Variants in NXPE2 observed in about 807,000 individuals in gnomAD.
NXPE2 encodes NXPE family member 2.
Under a neutral mutation model 34.4 loss-of-function variants are expected in NXPE2, and 34 were observed. That is an observed-to-expected ratio of 0.99 (90% confidence interval 0.75 to 1.31). The LOEUF is 1.31. Among genes scored for constraint, NXPE2 ranks in the 40% most tolerant of loss-of-function variants. NXPE2 has a pLI of 0.00. For missense variants in NXPE2, 649 were observed against 672.5 expected (o/e 0.97, Z 0.39); for synonymous variants, 235 against 231.3 (o/e 1.02, Z -0.15).
At chr11:114,636,119 T>TG in the NXPE2 span, among the ~76,000 whole-genome samples, 18 of 151,896 alleles carry the variant, frequency 1.2e-4, no homozygotes, top group Admixed American at 1.1e-3. Flanking sequence ...GGTAAGCTAT[T>TG]GATTATTGCC....
chr11:114,552,774 G>A, the NXPE2 span: 9 of 526,482 alleles, frequency 1.7e-5, no homozygotes, highest in Non-Finnish European at 2.2e-5. Context: ...GATTGCTATT[G>A]CACTTTTATA....
At chr11:114,772,042 G>T in the NXPE2 span, among the ~76,000 whole-genome samples, 3 of 152,204 alleles carry the variant, frequency 2.0e-5, no homozygotes, top group Admixed American at 1.3e-4. Flanking sequence ...TATCTTCGAA[G>T]ACAGTGTTGA....
chr11:114,794,198 C>T, the NXPE2 span, among the ~76,000 whole-genome samples: 1 of 152,154 alleles, frequency 6.6e-6, no homozygotes, highest in African/African-American at 2.4e-5. Context: ...GCCTCATTTC[C>T]AGCCACTTCT....
intron 2 of NXPE2, among the ~76,000 whole-genome samples, chr11:114,695,447 G>A (rs1951231991): frequency 6.6e-6 from 1 of 152,030 alleles, no homozygotes; most frequent in Admixed American, 6.5e-5. Flanking sequence ...GATGGAGGCT[G>A]GGTTTGGGTA....
the NXPE2 span, among the ~76,000 whole-genome samples, chr11:114,468,393 G>C: frequency 6.6e-6 from 1 of 152,190 alleles, no homozygotes; most frequent in African/African-American, 2.4e-5. Context: ...TGGGGCTTCT[G>C]ACATACCACT....
chr11:114,711,695 G>C (rs1321238665), downstream of NXPE2, among the ~76,000 whole-genome samples: 1 of 152,072 alleles, frequency 6.6e-6, no homozygotes, highest in African/African-American at 2.4e-5. Flanking sequence ...GCAATCTACA[G>C]CTCCAGTGCA....
chr11:114,580,389 C>T, the NXPE2 span: 4 of 1,523,286 alleles, frequency 2.6e-6, no homozygotes, highest in South Asian at 3.4e-5. Flanking sequence ...AATTACCCGT[C>T]AGTATGTATT....
At chr11:114,610,144 T>C in the NXPE2 span, among the ~76,000 whole-genome samples, 1 of 151,786 alleles carries the variant, frequency 6.6e-6, no homozygotes, top group African/African-American at 2.4e-5. Flanking sequence ...TAATAAGTAT[T>C]GCCTTGCAGC....
the NXPE2 span, among the ~76,000 whole-genome samples, chr11:114,748,888 T>C: frequency 6.6e-6 from 1 of 152,274 alleles, no homozygotes; most frequent in Non-Finnish European, 1.5e-5. Flanking sequence ...ACATATGGTT[T>C]CCATTTTATT....
At chr11:114,739,256 AT>A in the NXPE2 span, among the ~76,000 whole-genome samples, 1 of 151,590 alleles carries the variant, frequency 6.6e-6, no homozygotes, top group East Asian at 1.9e-4. Context: ...TTTATTAATT[AT>A]TTTTACTACT....
Position 114,706,624 on chromosome 11 carries a change from C to A in NXPE2, c.1374C>A (p.Pro458=). 1 of 1,551,886 alleles carries A rather than the reference C, an allele frequency of 6.4e-7. No individual in the cohort carries two copies. The highest frequency in any genetic ancestry group is 8.7e-7 in the Non-Finnish European group (1 of 1,146,998). Residue 458 remains proline, a synonymous_variant, in exon 6 of 6, where the codon CCC becomes CCA. Transcript: ENST00000389586. ...TCGGCCAACACTTCAGACCCTTTCC[C>A]ATCAACATTTTCATCCGTAGGGCCA... The part of the protein sequence containing the change: ...ITLGQHFRPF[P]INIFIRRAIN...
chr11:114,522,341 T>A, the NXPE2 span: 2 of 1,614,016 alleles, frequency 1.2e-6, no homozygotes, highest in Non-Finnish European at 8.5e-7. Context: ...TGATAGCCGG[T>A]CAATTTCCCG....
At chr11:114,788,808 G>A in the NXPE2 span, among the ~76,000 whole-genome samples, 1 of 152,126 alleles carries the variant, frequency 6.6e-6, no homozygotes, top group Admixed American at 6.5e-5. Flanking sequence ...GTGGATTTCT[G>A]CATCACGAAT....
At chr11:114,600,135 A>C in the NXPE2 span, among the ~76,000 whole-genome samples, 1 of 152,158 alleles carries the variant, frequency 6.6e-6, no homozygotes, top group Non-Finnish European at 1.5e-5. Flanking sequence ...AAGTTTGAAG[A>C]AAAACAAGTT....
the NXPE2 span, among the ~76,000 whole-genome samples, chr11:114,639,003 G>A: frequency 1.3e-5 from 2 of 152,060 alleles, no homozygotes; most frequent in African/African-American, 4.8e-5. Context: ...AAAGCTGTCA[G>A]ACTGGGACAT....
chr11:114,788,363 C>T, the NXPE2 span, among the ~76,000 whole-genome samples: 1 of 152,136 alleles, frequency 6.6e-6, no homozygotes, highest in Admixed American at 6.5e-5. Flanking sequence ...AGTGGAGCCT[C>T]AGGCTGGACA....
the NXPE2 span, among the ~76,000 whole-genome samples, chr11:114,514,118 G>A: frequency 6.6e-6 from 1 of 151,920 alleles, no homozygotes; most frequent in Non-Finnish European, 1.5e-5. Context: ...GCATTGTTCT[G>A]TGCCTTGCTT....
chr11:114,713,869 T>C, the NXPE2 span, among the ~76,000 whole-genome samples: 1 of 152,212 alleles, frequency 6.6e-6, no homozygotes, highest in African/African-American at 2.4e-5. Flanking sequence ...GATCGCAAAA[T>C]AATTTGTGTA....
chr11:114,535,110 G>C, the NXPE2 span, among the ~76,000 whole-genome samples: 4 of 152,238 alleles, frequency 2.6e-5, no homozygotes, highest in Non-Finnish European at 5.9e-5. Context: ...AGCCAGAAGA[G>C]AGTGGGGACC....
Sources: allele counts gnomAD v4.1 joint callset (sites outside exome capture counted in the v4.1 genomes callset), GRCh38; gene constraint gnomAD v4.1.1; transcripts MANE v1.5; gene names NCBI Gene and HGNC (gene_info 2026-07-23, HGNC 2026-07-21).